Variants in CNTNAP4 observed in about 807,000 individuals in gnomAD.
The protein encoded by CNTNAP4 is contactin associated protein family member 4, also known as contactin-associated protein-like 4.
In CNTNAP4, 98 loss-of-function variants were observed where a neutral mutation model predicts 148.4. The ratio of observed to expected loss-of-function variants is 0.66; its 90% CI spans 0.56 to 0.78. CNTNAP4 has a LOEUF of 0.78. CNTNAP4 is among the 30% of genes least tolerant of loss of function. The pLI, the probability that CNTNAP4 is intolerant of heterozygous loss-of-function variation, is 0.00. For missense variants in CNTNAP4, 1,935 were observed against 1,565.6 expected (o/e 1.24, Z -3.98); for synonymous variants, 730 against 565.1 (o/e 1.29, Z -4.14).
intron 2 of CNTNAP4, among the ~76,000 whole-genome samples, chr16:76,331,363 A>G (rs2144250852): frequency 6.6e-6 from 1 of 151,462 alleles, no homozygotes; most frequent in South Asian, 2.1e-4. Context: ...AATTTTTTGT[A>G]TTTTTTAGTA....
chr16:76,311,671 G>A (rs920734956), intron 1 of CNTNAP4, among the ~76,000 whole-genome samples: 1 of 152,162 alleles, frequency 6.6e-6, no homozygotes, highest in Non-Finnish European at 1.5e-5. Context: ...GGAGTAATGA[G>A]AGTGATGTTC....
At chr16:76,429,748 G>A (rs1260525018) in intron 4 of CNTNAP4, among the ~76,000 whole-genome samples, 4 of 152,156 alleles carry the variant, frequency 2.6e-5, no homozygotes, top group Non-Finnish European at 2.9e-5. Context: ...GTCTTGATCT[G>A]CAGCTCTCTG....
rs187732854 is a variant in CNTNAP4, at chr16:76,387,484, T to C, written c.390+31973T>C. Among the ~76,000 whole-genome samples the C allele has an allele frequency of 8.7e-4, 132 of 152,380 alleles. No individual in the cohort carries two copies. The South Asian group carries it at 0.012, about 14-fold the overall frequency. On this transcript the variant is annotated intron_variant, in intron 3 of 23. Transcript: ENST00000611870. The stretch of plus-strand genomic sequence containing the variant: ...ATTTTCTCTCATTATTTTGTCATTT[T>C]TGAGTGCAAGATAAATTAGTGCTTT...
chr16:76,342,167 T>C (rs547695303), intron 2 of CNTNAP4, among the ~76,000 whole-genome samples: 2 of 152,304 alleles, frequency 1.3e-5, no homozygotes, highest in South Asian at 4.1e-4. Context: ...CATCTGGGAA[T>C]TCCCCTAAAT....
intron 4 of CNTNAP4, among the ~76,000 whole-genome samples, chr16:76,433,134 CA>C (rs777711428): frequency 1.3e-5 from 2 of 152,190 alleles, no homozygotes; most frequent in East Asian, 3.9e-4. Context: ...GGGTTGCAAC[CA>C]GACATTCTTT....
intron 12 of CNTNAP4, among the ~76,000 whole-genome samples, chr16:76,487,008 G>A (rs1314918087): frequency 6.6e-6 from 1 of 152,190 alleles, no homozygotes; most frequent in East Asian, 1.9e-4. Context: ...TAGGTAGGTA[G>A]TAGATAGATC....
rs182762993 is a variant in CNTNAP4 at position 76,505,381 on chromosome 16, C to T, written c.2365+6687C>T. Among the ~76,000 whole-genome samples the T allele has an allele frequency of 2.1e-5, 2 of 97,506 alleles. 1 individual carries two copies. The highest frequency in any genetic ancestry group is 5.1e-5 in the African/African-American group (2 of 38,924). 64.0% of individuals were successfully genotyped at this position (97,506 alleles called of 152,430 possible). ...AAGTGAAAGAAGCCAGACTAAAAAG[C>T]CTACATGCTTTGAATGATTCAATTT... On this transcript the variant is annotated intron_variant, in intron 15 of 23. Transcript: ENST00000611870.
Position 76,488,757 on chromosome 16 carries a change from C to T in CNTNAP4, c.1883-929C>T, listed in dbSNP as rs1385903748. ...TATCTGTTCTTGTGTCTGCATATAT[C>T]ACAGAAAATATAGTATAAAGTCTGT... On this transcript the variant is annotated intron_variant, in intron 12 of 23. Coordinates refer to ENST00000611870, the MANE Select transcript of CNTNAP4 (RefSeq NM_033401.5). Among the ~76,000 whole-genome samples the T allele has an allele frequency of 2.0e-5, 3 of 152,220 alleles. No homozygotes were observed. In the South Asian group the frequency reaches 6.2e-4, roughly 32 times the overall value.
At position 76,540,796 on chromosome 16, in the gene CNTNAP4, T is replaced by C. The variant is rs1018422227; in HGVS notation, c.3442+6T>C. 6.5e-7 allele frequency: 1 copy of C among 1,549,798 alleles called. No homozygotes were observed. The highest frequency in any genetic ancestry group is 8.8e-7 in the Non-Finnish European group (1 of 1,142,332). On this transcript the variant is annotated splice_donor_region_variant and intron_variant, in intron 21 of 23. Transcript: ENST00000611870. Reference sequence around the variant, plus strand: ...GGTATTGGGCAGGATTTTAGGTAAGTGAAAGAAACAACCTTTCCCCTAACC... The same window carrying C: ...GGTATTGGGCAGGATTTTAGGTAAGCGAAAGAAACAACCTTTCCCCTAACC...
At chr16:76,545,907 C>T (rs1302703220) in intron 21 of CNTNAP4, among the ~76,000 whole-genome samples, 1 of 152,016 alleles carries the variant, frequency 6.6e-6, no homozygotes, top group East Asian at 1.9e-4. Context: ...TGGTAGCATG[C>T]GCCCGTAGTC....
intron 21 of CNTNAP4, among the ~76,000 whole-genome samples, chr16:76,550,706 G>A (rs140854609): frequency 0.013 from 2,024 of 150,804 alleles, 41 homozygotes; most frequent in African/African-American, 0.042. Context: ...TCAAGAATGC[G>A]GTCTTTTTCA....
chr16:76,369,032 T>C (rs533455608), intron 3 of CNTNAP4, among the ~76,000 whole-genome samples: 1 of 150,792 alleles, frequency 6.6e-6, no homozygotes, highest in South Asian at 2.1e-4. Flanking sequence ...GTTTTTTTTG[T>C]TTTTTCGTTT....
At chr16:76,440,897 C>G (rs1320020382) in intron 4 of CNTNAP4, among the ~76,000 whole-genome samples, 1 of 152,050 alleles carries the variant, frequency 6.6e-6, no homozygotes, top group Admixed American at 6.6e-5. Context: ...TGAGAAGCCT[C>G]AAACTTCTGG....
intron 3 of CNTNAP4, among the ~76,000 whole-genome samples, chr16:76,366,955 C>T (rs1294458224): frequency 6.6e-6 from 1 of 151,886 alleles, no homozygotes; most frequent in Non-Finnish European, 1.5e-5. Flanking sequence ...TGAGATCATT[C>T]TGAATGTCAT....
At chr16:76,489,172 GA>G (rs1442439965) in intron 12 of CNTNAP4, among the ~76,000 whole-genome samples, 1 of 152,152 alleles carries the variant, frequency 6.6e-6, no homozygotes, top group African/African-American at 2.4e-5. Flanking sequence ...GTTAAGAGTA[GA>G]AAAGGGGCTG....
chr16:76,535,594 G>A lies in CNTNAP4; in HGVS notation c.2805G>A (p.Leu935=), dbSNP rs777369935. Residue 935 remains leucine (L), a synonymous_variant, in exon 18 of 24, where the codon CTG becomes CTA. Transcript: ENST00000611870. ...QRGFLGCIRS[L]QLNGMTLDLE... is the part of the protein sequence containing the mutation. Reference sequence around the variant, plus strand: ...GCTTTCTGGGCTGCATTCGGTCTCTGCAGTTGAATGGGATGACCCTGGATT... The same window carrying A: ...GCTTTCTGGGCTGCATTCGGTCTCTACAGTTGAATGGGATGACCCTGGATT... 1 of 1,613,056 alleles carries A rather than the reference G, an allele frequency of 6.2e-7. No homozygotes were observed. The highest frequency in any genetic ancestry group is 1.1e-5 in the South Asian group (1 of 91,028).
chr16:76,534,356 A>G (rs558471796), intron 17 of CNTNAP4, among the ~76,000 whole-genome samples: 1 of 152,346 alleles, frequency 6.6e-6, no homozygotes, highest in East Asian at 1.9e-4. Flanking sequence ...CGAAGTGAAC[A>G]TGTTTTAGGA....
intron 1 of CNTNAP4, among the ~76,000 whole-genome samples, chr16:76,310,277 G>T (rs1295131104): frequency 6.6e-6 from 1 of 151,890 alleles, no homozygotes; most frequent in East Asian, 1.9e-4. Flanking sequence ...GCCCAGACTG[G>T]GTTTATGGTT....
At chr16:76,311,316 A>G (rs996566654) in intron 1 of CNTNAP4, among the ~76,000 whole-genome samples, 2 of 152,140 alleles carry the variant, frequency 1.3e-5, no homozygotes, top group East Asian at 1.9e-4. Flanking sequence ...TGTATATACA[A>G]TCTGCCAGAG....
Sources: allele counts gnomAD v4.1 joint callset (sites outside exome capture counted in the v4.1 genomes callset), GRCh38; gene constraint gnomAD v4.1.1; transcripts MANE v1.5; gene names NCBI Gene and HGNC (gene_info 2026-07-23, HGNC 2026-07-21).